The following GPR22 variants were observed in gnomAD, a reference collection of about 807,000 sequenced individuals.
The protein encoded by GPR22 is G-protein coupled receptor 22.
GPR22 carries 13 observed loss-of-function variants against 31.0 expected under a neutral mutation model. The ratio of observed to expected loss-of-function variants is 0.42; its 90% CI spans 0.27 to 0.67. GPR22 has a LOEUF of 0.67. Ranked by LOEUF, GPR22 falls within the 30% of genes least tolerant of loss-of-function variation. The probability of loss-of-function intolerance (pLI) is 0.25; values close to 1 mark genes in which losing one functional copy is unlikely to be tolerated. For missense variants in GPR22, 368 were observed against 509.6 expected (o/e 0.72, Z 2.67); for synonymous variants, 191 against 173.4 (o/e 1.10, Z -0.80).
chr7:107,471,285 A>G (rs1159200937), intron 1 of GPR22, 87 bp from the exon 2 acceptor site: 1 of 152,076 alleles, frequency 6.6e-6, no homozygotes, highest in Non-Finnish European at 1.5e-5. Context: ...AATACTGGAT[A>G]GTTTTTAAAC....
chr7:107,474,500 C>T lies in GPR22; in HGVS notation c.440C>T (p.Pro147Leu). The T allele has an allele frequency of 1.2e-6, 2 of 1,613,040 alleles. No homozygotes were observed. The highest frequency in any genetic ancestry group is 1.7e-6 in the Non-Finnish European group (2 of 1,179,354). ...TLDRYDISVK[P>L]ANRILTMGRA... ...GACAGATATGACATCTCTGTAAAAC[C>T]TGCAAACCGAATTCTGACAATGGGC... Residue 147 changes from proline (P) to leucine (L), a missense_variant, in exon 3 of 3, where the codon CCT becomes CTT. By Grantham distance (98) the Pro-to-Leu change is moderately conservative (BLOSUM62 -3). Coordinates refer to ENST00000304402, the MANE Select transcript of GPR22 (RefSeq NM_005295.3). This position sits in a 1 kb window ranked among gnomAD's most constrained non-coding sequence, Gnocchi z 5.7.
rs1296270247 is a variant in GPR22, at chr7:107,475,434, T to C, written c.*72T>C. ...TTTAAATTGTAAAAACTGATATTAC[T>C]GCCAAATATAAGAAAAATATTTTAA... On this transcript the variant is annotated 3_prime_UTR_variant, in exon 3 of 3. Coordinates refer to ENST00000304402, the MANE Select transcript of GPR22 (RefSeq NM_005295.3). 1.4e-6 allele frequency: 1 copy of C among 696,108 alleles called. No homozygotes were observed. The highest frequency in any genetic ancestry group is 2.7e-5 in the East Asian group (1 of 36,860). 43.1% of individuals were successfully genotyped at this position (696,108 alleles called of 1,614,324 possible). A position where few individuals can be genotyped will look rare whatever the true frequency, so the allele number is the denominator to read the frequency against.
Position 107,475,575 on chromosome 7 carries a change from G to A in GPR22, c.*213G>A, listed in dbSNP as rs1796924107. On this transcript the variant is annotated 3_prime_UTR_variant, in exon 3 of 3. Coordinates refer to ENST00000304402, the MANE Select transcript of GPR22 (RefSeq NM_005295.3). Reference sequence around the variant, plus strand: ...TGGCAGTTTGTTAAAGTACTATCATGTGTATATTTTGTCAATATTATGTCC... The same window carrying A: ...TGGCAGTTTGTTAAAGTACTATCATATGTATATTTTGTCAATATTATGTCC... 2 of 411,928 alleles carry A rather than the reference G, an allele frequency of 4.9e-6. No individual in the cohort carries two copies. Among genetic ancestry groups the A allele is most frequent in the East Asian group, 7.5e-5 (2 of 26,724 alleles). 25.5% of individuals were successfully genotyped at this position (411,928 alleles called of 1,614,324 possible). A position where few individuals can be genotyped will look rare whatever the true frequency, so the allele number is the denominator to read the frequency against.
chr7:107,475,293 CA>C lies in GPR22; in HGVS notation c.1240del (p.Ile414LeufsTer8). On this transcript the variant is annotated frameshift_variant, in exon 3 of 3. Coordinates refer to ENST00000304402, the MANE Select transcript of GPR22 (RefSeq NM_005295.3). LOFTEE classifies it high-confidence loss of function. ...HNSWIDPKRN[K>X]KITFEDSEIR... ...ACTCTTGGATAGATCCTAAAAGAAA[CA>C]AAAAAATTACCTTTGAAGATAGTGA... is the stretch of plus-strand genomic sequence containing the variant. 13 of 1,590,230 alleles carry C rather than the reference CA, an allele frequency of 8.2e-6. No homozygotes were observed. The highest frequency in any genetic ancestry group is 1.2e-5 in the South Asian group (1 of 86,550).
chr7:107,470,964 T>C (rs1487742467), intron 1 of GPR22, among the ~76,000 whole-genome samples: 1 of 151,966 alleles, frequency 6.6e-6, no homozygotes, highest in Non-Finnish European at 1.5e-5. Flanking sequence ...CATGTGCTAA[T>C]AATTAGGCAA....
intron 2 of GPR22, among the ~76,000 whole-genome samples, chr7:107,473,221 T>G (rs1796744762): frequency 6.6e-6 from 1 of 151,950 alleles, no homozygotes; most frequent in Non-Finnish European, 1.5e-5. Flanking sequence ...AAATGGCTAT[T>G]TCTTAATGTG....
chr7:107,476,896 T>C (rs1311585402), downstream of GPR22, among the ~76,000 whole-genome samples: 2 of 151,664 alleles, frequency 1.3e-5, no homozygotes, highest in Admixed American at 6.6e-5. Context: ...CTTGGAGAAA[T>C]GAATACCATG....
chr7:107,472,758 C>T (rs1796713849), intron 2 of GPR22: 1 of 151,802 alleles, frequency 6.6e-6, no homozygotes, highest in African/African-American at 2.4e-5. Flanking sequence ...TATTCTAAAA[C>T]TTGTCAAATA....
rs142258382 is a variant in GPR22, at chr7:107,475,226, T to C, written c.1166T>C (p.Ile389Thr). The C allele has an allele frequency of 4.6e-4, 746 of 1,611,020 alleles. 1 individual carries two copies. The highest frequency in any genetic ancestry group is 5.6e-4 in the Non-Finnish European group (663 of 1,177,628). Residue 389 changes from isoleucine (I) to threonine (T), a missense_variant, in exon 3 of 3, where the codon ATA becomes ACA. Physicochemically the swap from Ile to Thr is moderately conservative, Grantham distance 89. Transcript: ENST00000304402. ...KSKMKKRVVS[I>T]VEADPLPNNA... is the part of the protein sequence containing the mutation. ...AAAATGAAAAAGCGAGTTGTTTCTA[T>C]AGTAGAAGCTGATCCCCTGCCTAAT...
Position 107,475,511 on chromosome 7 carries a change from A to ATATATTCAAC in GPR22, c.*158_*159insCTATATTCAA. ...TGTGAATGTCAATTAGATAGGTCAT[A>ATATATTCAAC]TATATTCAATTTCTTCATTACTTAA... On this transcript the variant is annotated 3_prime_UTR_variant, in exon 3 of 3. Coordinates refer to ENST00000304402, the MANE Select transcript of GPR22 (RefSeq NM_005295.3). 1 of 515,754 alleles carries ATATATTCAAC rather than the reference A, an allele frequency of 1.9e-6. No homozygotes were observed. Among genetic ancestry groups the ATATATTCAAC allele is most frequent in the East Asian group, 3.1e-5 (1 of 32,416 alleles). 31.9% of individuals were successfully genotyped at this position (515,754 alleles called of 1,614,324 possible). A position where few individuals can be genotyped will look rare whatever the true frequency, so the allele number is the denominator to read the frequency against.
rs752496124 is a variant in GPR22, at chr7:107,475,141, A to G, written c.1081A>G (p.Ile361Val). Reference protein sequence around the residue: ...CFLVMAYGTTIFHPLLYAFTR... With the variant: ...CFLVMAYGTTVFHPLLYAFTR... ...TTTAGTCATGGCTTATGGAACAACTATATTTCACCCTCTATTATATGCATT... is the reference window on the plus strand; with the variant it reads ...TTTAGTCATGGCTTATGGAACAACTGTATTTCACCCTCTATTATATGCATT... Residue 361 changes from isoleucine to valine, a missense_variant, in exon 3 of 3, where the codon ATA (isoleucine) becomes GTA (valine). Ile to Val is a conservative substitution (Grantham distance 29, BLOSUM62 3). Transcript: ENST00000304402. 5.6e-6 allele frequency: 9 copies of G among 1,609,942 alleles called. No individual in the cohort carries two copies. Among genetic ancestry groups the G allele is most frequent in the Non-Finnish European group, 7.6e-6 (9 of 1,177,120 alleles).
chr7:107,477,058 T>C (rs1410395279), downstream of GPR22, among the ~76,000 whole-genome samples: 2 of 151,682 alleles, frequency 1.3e-5, no homozygotes, highest in Non-Finnish European at 3.0e-5. Context: ...ATGCTTCAAT[T>C]TGACAAAATG....
chr7:107,473,425 A>T (rs1401951078), intron 2 of GPR22, among the ~76,000 whole-genome samples: 2 of 151,922 alleles, frequency 1.3e-5, no homozygotes, highest in Admixed American at 1.3e-4. Context: ...GATATGTAAA[A>T]TATTAATCAC....
At position 107,474,011 on chromosome 7, in the gene GPR22, A is replaced by G. The variant is rs373919718; in HGVS notation, c.-26-24A>G. ...TCATTTAAATTGCCAAATATCAAAT[A>G]GTTTATTCTATTTCACTTTCTAGGG... On this transcript the variant is annotated intron_variant, in intron 2 of 2. Coordinates refer to ENST00000304402, the MANE Select transcript of GPR22 (RefSeq NM_005295.3). The surrounding 1 kb of genome is among the most constrained non-coding windows in gnomAD (Gnocchi z 5.7). The G allele has an allele frequency of 6.4e-5, 59 of 919,560 alleles. No individual in the cohort carries two copies. The highest frequency in any genetic ancestry group is 9.2e-5 in the Non-Finnish European group (55 of 596,788). The allele number at this position is 919,560 out of a possible 1,614,324, so 57.0% of individuals were successfully genotyped here.
Position 107,471,633 on chromosome 7 carries a change from G to C in GPR22, c.-696G>C, listed in dbSNP as rs1796639433. Reference sequence around the variant, plus strand: ...AAAAGCCTGAAAAGAATTTTTAAAAGGGGAAGTTTATACTTTCATATACCA... The same window carrying C: ...AAAAGCCTGAAAAGAATTTTTAAAACGGGAAGTTTATACTTTCATATACCA... On this transcript the variant is annotated 5_prime_UTR_variant, in exon 2 of 3. Transcript: ENST00000304402. The C allele has an allele frequency of 6.6e-6, 1 of 151,928 alleles. No homozygotes were observed. Among genetic ancestry groups the C allele is most frequent in the Non-Finnish European group, 1.5e-5 (1 of 67,886 alleles). The allele number at this position is 151,928 out of a possible 1,614,324, so 9.4% of individuals were successfully genotyped here.
At position 107,473,591 on chromosome 7, in the gene GPR22, C is replaced by G. The variant is rs111628318; in HGVS notation, c.-26-444C>G. Reference sequence around the variant, plus strand: ...CTTGTCCTGTTCATTTGAAATCTCACAGGAATAATTACACCTACACTCATT... The same window carrying G: ...CTTGTCCTGTTCATTTGAAATCTCAGAGGAATAATTACACCTACACTCATT... On this transcript the variant is annotated intron_variant, in intron 2 of 2. Coordinates refer to ENST00000304402, the MANE Select transcript of GPR22 (RefSeq NM_005295.3). 5.6e-3 allele frequency among the ~76,000 whole-genome samples: 847 copies of G among 152,006 alleles called. 11 individuals carry two copies. Among genetic ancestry groups the G allele is most frequent in the African/African-American group, 0.02 (816 of 41,520 alleles).
rs1388569071 is a variant in GPR22 at position 107,474,219 on chromosome 7, G to C, written c.159G>C (p.Val53=). ...CCGGATTTCTTATGTTAGAAATTGT[G>C]TTGGGACTTGGCAGCAACCTCACTG... The part of the protein sequence containing the change: ...SLTGFLMLEI[V]LGLGSNLTVL... Residue 53 remains valine, a synonymous_variant, in exon 3 of 3, where the codon GTG becomes GTC. Coordinates refer to ENST00000304402, the MANE Select transcript of GPR22 (RefSeq NM_005295.3). The surrounding 1 kb of genome is among the most constrained non-coding windows in gnomAD (Gnocchi z 5.7). 4.3e-6 allele frequency: 7 copies of C among 1,613,104 alleles called. No homozygotes were observed. The African/African-American group carries it at 8.0e-5, about 18-fold the overall frequency.
Position 107,474,803 on chromosome 7 carries a change from C to A in GPR22, c.743C>A (p.Thr248Lys). The A allele has an allele frequency of 6.2e-7, 1 of 1,612,556 alleles. No homozygotes were observed. Among genetic ancestry groups the A allele is most frequent in the Non-Finnish European group, 8.5e-7 (1 of 1,179,352 alleles). ...LNIRIGTRFSTGQKKKARKKK... is the reference protein window; with the variant it reads ...LNIRIGTRFSKGQKKKARKKK... The stretch of plus-strand genomic sequence containing the variant: ...ATTCGAATAGGCACAAGATTTTCAA[C>A]AGGGCAGAAGAAGAAAGCAAGAAAG... Residue 248 changes from threonine (T) to lysine (K), a missense_variant, in exon 3 of 3, where the codon ACA becomes AAA. Thr to Lys is a moderately conservative substitution (Grantham distance 78). Transcript: ENST00000304402. This position sits in a 1 kb window ranked among gnomAD's most constrained non-coding sequence, Gnocchi z 5.7.
Position 107,475,458 on chromosome 7 carries a change from A to T in GPR22, c.*96A>T. Reference sequence around the variant, plus strand: ...CTGCCAAATATAAGAAAAATATTTTAAGTATTGGTTATGTTGTAAATTTTC... The same window carrying T: ...CTGCCAAATATAAGAAAAATATTTTTAGTATTGGTTATGTTGTAAATTTTC... On this transcript the variant is annotated 3_prime_UTR_variant, in exon 3 of 3. Coordinates refer to ENST00000304402, the MANE Select transcript of GPR22 (RefSeq NM_005295.3). 1 of 612,520 alleles carries T rather than the reference A, an allele frequency of 1.6e-6. No individual in the cohort carries two copies. The highest frequency in any genetic ancestry group is 2.8e-6 in the Non-Finnish European group (1 of 354,506). 37.9% of individuals were successfully genotyped at this position (612,520 alleles called of 1,614,324 possible). A position where few individuals can be genotyped will look rare whatever the true frequency, so the allele number is the denominator to read the frequency against.
Sources: allele counts gnomAD v4.1 joint callset (sites outside exome capture counted in the v4.1 genomes callset), GRCh38; gene constraint gnomAD v4.1.1; non-coding constraint Gnocchi (gnomAD v3.1); transcripts MANE v1.5; gene names NCBI Gene and HGNC (gene_info 2026-07-23, HGNC 2026-07-21).